Variants in DISC1 observed in about 807,000 individuals in gnomAD.
DISC1 encodes the protein disrupted in schizophrenia 1 protein.
DISC1 carries 57 observed loss-of-function variants against 84.5 expected under a neutral mutation model. That is an observed-to-expected ratio of 0.67 (90% CI 0.55 to 0.84). The LOEUF is 0.84. Ranked by LOEUF, DISC1 falls within the 40% of genes least tolerant of loss-of-function variation. DISC1 has a pLI of 0.00. For synonymous variants in DISC1, 411 were observed against 415.2 expected (o/e 0.99, Z 0.12); for missense variants, 1,000 against 1,057.8 (o/e 0.95, Z 0.76).
chr1:231,864,092 T>C (rs186014979), intron 9 of DISC1, among the ~76,000 whole-genome samples: 6 of 152,264 alleles, frequency 3.9e-5, no homozygotes, highest in Middle Eastern at 3.4e-3. Flanking sequence ...TATATGAACA[T>C]TGGAAGTGAA....
At chr1:231,979,848 A>G (rs1663347529) in intron 10 of DISC1, among the ~76,000 whole-genome samples, 2 of 152,114 alleles carry the variant, frequency 1.3e-5, no homozygotes, top group Non-Finnish European at 2.9e-5. Flanking sequence ...GATAAATTCT[A>G]CTAGAGATGT....
chr1:231,644,867 A>G (rs2059998724), intron 1 of DISC1, among the ~76,000 whole-genome samples: 1 of 151,098 alleles, frequency 6.6e-6, no homozygotes, highest in Admixed American at 6.6e-5. Flanking sequence ...TAGCACGTGG[A>G]CTCTCTGAAT....
At chr1:231,806,457 T>A (rs1018982235) in intron 8 of DISC1, among the ~76,000 whole-genome samples, 2 of 152,128 alleles carry the variant, frequency 1.3e-5, no homozygotes, top group African/African-American at 4.8e-5. Context: ...CTGGGAGACC[T>A]GCTGGCTTCT....
At chr1:231,923,883 T>C (rs1268177488) in intron 9 of DISC1, among the ~76,000 whole-genome samples, 1 of 152,180 alleles carries the variant, frequency 6.6e-6, no homozygotes, top group Non-Finnish European at 1.5e-5. Flanking sequence ...AGCTTCGTTT[T>C]TGGGCCAGAG....
intron 9 of DISC1, among the ~76,000 whole-genome samples, chr1:231,871,252 G>A (rs570943047): frequency 2.6e-5 from 4 of 152,286 alleles, no homozygotes; most frequent in East Asian, 1.9e-4. Flanking sequence ...CCTATTAGTC[G>A]CCATTCTCTC....
intron 9 of DISC1, among the ~76,000 whole-genome samples, chr1:231,886,650 T>G (rs950693486): frequency 6.6e-6 from 1 of 152,198 alleles, no homozygotes; most frequent in Non-Finnish European, 1.5e-5. Flanking sequence ...TTTGAAATAC[T>G]CAGCGCTCAA....
intron 11 of DISC1, among the ~76,000 whole-genome samples, chr1:232,012,056 G>T (rs1037752510): frequency 1.3e-5 from 2 of 152,144 alleles, no homozygotes. Flanking sequence ...AGTGAGAGAC[G>T]CATACCTAGT....
At chr1:231,720,635 C>T (rs1040196953) in intron 3 of DISC1, among the ~76,000 whole-genome samples, 3 of 152,160 alleles carry the variant, frequency 2.0e-5, no homozygotes, top group Admixed American at 6.5e-5. Context: ...CTGCTGCACT[C>T]GGCCTCTTCT....
At chr1:231,882,227 CT>C (rs2086337968) in intron 9 of DISC1, among the ~76,000 whole-genome samples, 1 of 152,176 alleles carries the variant, frequency 6.6e-6, no homozygotes. Flanking sequence ...GTCAGGGTCC[CT>C]ATAGCAAGGG....
intron 6 of DISC1, among the ~76,000 whole-genome samples, chr1:231,777,611 G>A (rs1172852001): frequency 6.6e-6 from 1 of 152,180 alleles, no homozygotes; most frequent in Non-Finnish European, 1.5e-5. Context: ...TGAGACAGAA[G>A]TGTGTGAGCA....
intron 10 of DISC1, among the ~76,000 whole-genome samples, chr1:231,981,969 G>A (rs1051041678): frequency 3.3e-5 from 5 of 152,144 alleles, no homozygotes; most frequent in Non-Finnish European, 7.4e-5. Context: ...TTGATGAAAA[G>A]CAGTGTGTTA....
chr1:231,923,318 AC>A (rs142393896), intron 9 of DISC1, among the ~76,000 whole-genome samples: 2,309 of 150,094 alleles, frequency 0.015, 38 homozygotes, highest in Admixed American at 0.024. Flanking sequence ...AAAAAAAAAA[AC>A]AAAAAGAAAA....
chr1:231,900,973 G>C (rs932180200), intron 9 of DISC1, among the ~76,000 whole-genome samples: 1 of 152,226 alleles, frequency 6.6e-6, no homozygotes, highest in Non-Finnish European at 1.5e-5. Context: ...TTGTGGGGCA[G>C]AAGTCAGCCA....
rs539440941 is a variant in DISC1, at chr1:231,946,471, A to G, written c.1982-12357A>G. On this transcript the variant is annotated intron_variant, in intron 9 of 12. Transcript: ENST00000439617. ...TCGATGGAATGTATCTCAAAATAATAAGAGCTTTTTATGACAAACCCACAG... is the reference window on the plus strand; with the variant it reads ...TCGATGGAATGTATCTCAAAATAATGAGAGCTTTTTATGACAAACCCACAG... Among the ~76,000 whole-genome samples the G allele has an allele frequency of 1.3e-3, 200 of 152,314 alleles. 2 individuals carry two copies. The highest frequency in any genetic ancestry group is 4.1e-3 in the African/African-American group (172 of 41,566).
chr1:231,905,855 A>G (rs1371657668), intron 9 of DISC1, among the ~76,000 whole-genome samples: 2 of 152,050 alleles, frequency 1.3e-5, no homozygotes, highest in Non-Finnish European at 2.9e-5. Flanking sequence ...GTTATTTAGG[A>G]AAATACCCTC....
intron 9 of DISC1, among the ~76,000 whole-genome samples, chr1:231,841,543 G>A (rs993920681): frequency 5.9e-5 from 9 of 152,338 alleles, no homozygotes; most frequent in Middle Eastern, 6.8e-3. Flanking sequence ...TTACAAATGT[G>A]CAAATGTTCT....
chr1:231,888,983 G>A (rs1211055338), intron 9 of DISC1, among the ~76,000 whole-genome samples: 1 of 152,170 alleles, frequency 6.6e-6, no homozygotes, highest in Non-Finnish European at 1.5e-5. Context: ...GGGAGGCTGA[G>A]CATCCCTGCA....
At chr1:231,658,844 G>T (rs556207415) in intron 1 of DISC1, among the ~76,000 whole-genome samples, 1 of 152,254 alleles carries the variant, frequency 6.6e-6, no homozygotes, top group Admixed American at 6.5e-5. Flanking sequence ...GATTCTAGTG[G>T]ATAAGCTTTT....
At chr1:231,662,897 G>A (rs547949374) in intron 1 of DISC1, among the ~76,000 whole-genome samples, 28 of 152,046 alleles carry the variant, frequency 1.8e-4, no homozygotes, top group African/African-American at 6.3e-4. Flanking sequence ...AGAAAATGAG[G>A]GTCAAAAATA....
Sources: gnomAD v4.1 joint callset for allele counts (sites outside exome capture counted in the v4.1 genomes callset) on GRCh38, gnomAD v4.1.1 for gene constraint, MANE v1.5 for transcripts, NCBI Gene and HGNC (gene_info 2026-07-23, HGNC 2026-07-21) for gene names.